The following ZNF618 variants were observed in gnomAD, a reference collection of about 807,000 sequenced individuals.
ZNF618 encodes the protein neural precursor cell expressed, developmentally down-regulated 10.
In ZNF618, 34 loss-of-function variants were observed where a neutral mutation model predicts 103.0. The observed-to-expected ratio is 0.33, with a 90% CI of 0.25 to 0.44. ZNF618 has a LOEUF of 0.44. Among genes scored for constraint, ZNF618 ranks in the 20% least tolerant of loss-of-function variants. The pLI is 1.00. For synonymous variants in ZNF618, 551 were observed against 542.2 expected (o/e 1.02, Z -0.23); for missense variants, 1,059 against 1,295.4 (o/e 0.82, Z 2.80).
chr9:113,912,246 C>T (rs1023957670), intron 1 of ZNF618, among the ~76,000 whole-genome samples: 3 of 152,160 alleles, frequency 2.0e-5, no homozygotes, highest in South Asian at 2.1e-4. Flanking sequence ...TCTTGCTGCC[C>T]CTGTCCCCTG....
intron 2 of ZNF618, among the ~76,000 whole-genome samples, chr9:113,979,584 G>A (rs1838796492): frequency 1.3e-5 from 2 of 152,224 alleles, no homozygotes; most frequent in African/African-American, 4.8e-5. Flanking sequence ...GACAGTTACA[G>A]TGATGTTGAT....
intron 1 of ZNF618, among the ~76,000 whole-genome samples, chr9:113,934,889 T>G (rs1418220329): frequency 1.3e-5 from 2 of 152,182 alleles, no homozygotes; most frequent in Non-Finnish European, 2.9e-5. Context: ...TGTACAGCCT[T>G]TATGCTTTCT....
intron 1 of ZNF618, among the ~76,000 whole-genome samples, chr9:113,893,135 A>G (rs762736651): frequency 3.3e-5 from 5 of 152,240 alleles, no homozygotes; most frequent in South Asian, 4.1e-4. Flanking sequence ...ACTGGCATCA[A>G]TGCCATTATA....
At chr9:113,957,619 A>C (rs1836433855) in intron 1 of ZNF618, among the ~76,000 whole-genome samples, 1 of 152,130 alleles carries the variant, frequency 6.6e-6, no homozygotes, top group African/African-American at 2.4e-5. Flanking sequence ...TGGCCATATC[A>C]AAGGAGGCTG....
rs564399848 is a variant in ZNF618 at position 113,902,671 on chromosome 9, C to A, written c.33+26258C>A. On this transcript the variant is annotated intron_variant, in intron 1 of 14. Transcript: ENST00000374126. ...TTTTTGAGATCTGTCCACATTACTT[C>A]CAGCTGCTTGGTGCAGCCACCACAT... 1.2e-4 allele frequency among the ~76,000 whole-genome samples: 18 copies of A among 152,336 alleles called. No individual in the cohort carries two copies. In the East Asian group the frequency reaches 1.7e-3, roughly 15 times the overall value.
intron 1 of ZNF618, among the ~76,000 whole-genome samples, chr9:113,933,784 T>G (rs889881544): frequency 5.9e-5 from 9 of 152,004 alleles, no homozygotes; most frequent in African/African-American, 2.2e-4. Flanking sequence ...ATGGAAAGAT[T>G]AGGCAAAGGG....
chr9:114,006,879 C>A (rs946351804), intron 6 of ZNF618, among the ~76,000 whole-genome samples: 2 of 152,204 alleles, frequency 1.3e-5, no homozygotes, highest in Non-Finnish European at 2.9e-5. Flanking sequence ...CCAGAGGCCA[C>A]CCTCAGCTCC....
chr9:114,013,682 C>T (rs1469273671), intron 9 of ZNF618, among the ~76,000 whole-genome samples: 1 of 152,210 alleles, frequency 6.6e-6, no homozygotes, highest in Non-Finnish European at 1.5e-5. Context: ...CCACCTGCCT[C>T]GGCCTCCCAA....
chr9:113,931,783 C>T (rs148099809), intron 1 of ZNF618, among the ~76,000 whole-genome samples: 12 of 152,174 alleles, frequency 7.9e-5, no homozygotes, highest in Admixed American at 2.0e-4. Flanking sequence ...TTTGATACAT[C>T]GGTTTAAAAA....
intron 1 of ZNF618, among the ~76,000 whole-genome samples, chr9:113,896,159 G>A (rs1293419577): frequency 6.6e-6 from 1 of 151,630 alleles, no homozygotes; most frequent in Non-Finnish European, 1.5e-5. Flanking sequence ...AAAGTTACTT[G>A]TCAATTCTAA....
intron 1 of ZNF618, among the ~76,000 whole-genome samples, chr9:113,919,847 C>T (rs780144828): frequency 1.3e-5 from 2 of 152,234 alleles, no homozygotes; most frequent in African/African-American, 2.4e-5. Context: ...TCTAATGAGT[C>T]TGGAAGTCAT....
At position 114,054,042 on chromosome 9, in the gene ZNF618, G is replaced by A. The variant is rs1020296859; in HGVS notation, c.*3875G>A. On this transcript the variant is annotated 3_prime_UTR_variant, in exon 15 of 15. Coordinates refer to ENST00000374126, the MANE Select transcript of ZNF618 (RefSeq NM_001318042.2). ...CCAGGATTCAAGGAAGCCACCAGGT[G>A]TGCAGGCTGGGAAGAGACATCTCTT... The A allele has an allele frequency of 6.6e-6, 1 of 152,620 alleles. No homozygotes were observed. The highest frequency in any genetic ancestry group is 1.5e-5 in the Non-Finnish European group (1 of 68,078). 9.5% of individuals were successfully genotyped at this position (152,620 alleles called of 1,614,324 possible).
intron 1 of ZNF618, among the ~76,000 whole-genome samples, chr9:113,904,822 G>T (rs903541931): frequency 6.6e-6 from 1 of 152,078 alleles, no homozygotes; most frequent in African/African-American, 2.4e-5. Flanking sequence ...TTCTCACGTT[G>T]CCCATCTCTC....
At chr9:113,949,496 C>T (rs1351527774) in intron 1 of ZNF618, among the ~76,000 whole-genome samples, 2 of 152,186 alleles carry the variant, frequency 1.3e-5, no homozygotes, top group Non-Finnish European at 2.9e-5. Context: ...ACTGGGTCAT[C>T]CAACTTAAAT....
intron 13 of ZNF618, among the ~76,000 whole-genome samples, chr9:114,046,541 A>G (rs1449523657): frequency 1.3e-5 from 2 of 152,188 alleles, no homozygotes; most frequent in African/African-American, 4.8e-5. Flanking sequence ...CATTTCTCAG[A>G]ATATATGTCC....
intron 1 of ZNF618, among the ~76,000 whole-genome samples, chr9:113,932,614 G>A (rs1455831034): frequency 6.6e-6 from 1 of 152,106 alleles, no homozygotes; most frequent in Non-Finnish European, 1.5e-5. Context: ...AATGAATGTC[G>A]ATGTCAGACC....
chr9:113,917,235 C>CTT (rs56300784), intron 1 of ZNF618, among the ~76,000 whole-genome samples: 3,976 of 74,356 alleles, frequency 0.053, 4 homozygotes, highest in East Asian at 0.071. Flanking sequence ...TCTCTCTATC[C>CTT]TTTTTTTTTT....
chr9:114,007,302 A>T, intron 6 of ZNF618, 48 bp from the exon 7 acceptor site: 1 of 1,575,386 alleles, frequency 6.3e-7, no homozygotes, highest in Non-Finnish European at 8.7e-7. Flanking sequence ...ACCCCACCCC[A>T]CAAGACTGAA....
intron 1 of ZNF618, among the ~76,000 whole-genome samples, chr9:113,953,262 A>G (rs530564840): frequency 1.3e-5 from 2 of 152,196 alleles, no homozygotes; most frequent in African/African-American, 4.8e-5. Context: ...TCCTCGGGAG[A>G]GATGGTTAAA....
Sources: allele counts gnomAD v4.1 joint callset (sites outside exome capture counted in the v4.1 genomes callset), GRCh38; gene constraint gnomAD v4.1.1; transcripts MANE v1.5; gene names NCBI Gene and HGNC (gene_info 2026-07-23, HGNC 2026-07-21).